The following MSTN variants were observed in gnomAD, a reference collection of about 807,000 sequenced individuals.
MSTN encodes myostatin.
A neutral mutation model predicts 32.3 loss-of-function variants in MSTN; 12 were observed. The ratio of observed to expected loss-of-function variants is 0.37; its 90% CI spans 0.24 to 0.60. The LOEUF is 0.60. Among genes scored for constraint, MSTN ranks in the 20% least tolerant of loss-of-function variants. The pLI is 0.67. For synonymous variants in MSTN, 168 were observed against 155.1 expected (o/e 1.08, Z -0.62); for missense variants, 403 against 450.3 (o/e 0.89, Z 0.95).
rs1195986748 is a variant in MSTN, at chr2:190,056,169, A to G, written c.*1089T>C. On this transcript the variant is annotated 3_prime_UTR_variant, in exon 3 of 3. Coordinates refer to ENST00000260950, the MANE Select transcript of MSTN (RefSeq NM_005259.3). ...TTAATCTGCTAATTTGCTCTGAAAT[A>G]TAAGTAGTTGCTTTTCTGTGATGCA... The G allele has an allele frequency of 2.0e-5, 3 of 152,576 alleles. No individual in the cohort carries two copies. Among genetic ancestry groups the G allele is most frequent in the African/African-American group, 4.8e-5 (2 of 41,458 alleles). The allele number at this position is 152,576 out of a possible 1,614,324, so 9.5% of individuals were successfully genotyped here.
rs1271648192 is a variant in MSTN, at chr2:190,060,172, G to A, written c.637C>T (p.Gln213Ter). Reference protein sequence around the residue: ...WQSIDVKTVLQNWLKQPESNL... With the variant: ...WQSIDVKTVL ...GATTCAGGTTGTTTGAGCCAATTTT[G>A]CAACACTGTCTTCACATCAATGCTC... The change falls in exon 2 of 3, where the codon CAA becomes TAA. Residue 213 changes from glutamine to a stop codon, truncating the protein, a stop_gained. Coordinates refer to ENST00000260950, the MANE Select transcript of MSTN (RefSeq NM_005259.3). LOFTEE classifies it high-confidence loss of function. 1.2e-6 allele frequency: 2 copies of A among 1,612,976 alleles called. No homozygotes were observed. The highest frequency in any genetic ancestry group is 1.1e-5 in the South Asian group (1 of 91,032).
At chr2:190,061,118 T>G (rs1685581711) in intron 1 of MSTN, among the ~76,000 whole-genome samples, 3 of 152,056 alleles carry the variant, frequency 2.0e-5, no homozygotes, top group Admixed American at 2.0e-4. Context: ...TTTCCAAAAT[T>G]GTCTATAAAA....
In MSTN at chr2:190,060,055, C is replaced by T; in HGVS notation, c.747+7G>A. 6.2e-7 allele frequency: 1 copy of T among 1,610,804 alleles called. No individual in the cohort carries two copies. The highest frequency in any genetic ancestry group is 8.5e-7 in the Non-Finnish European group (1 of 1,177,800). On this transcript the variant is annotated splice_region_variant and intron_variant, in intron 2 of 2. Coordinates refer to ENST00000260950, the MANE Select transcript of MSTN (RefSeq NM_005259.3). Reference sequence around the variant, plus strand: ...TTATTATAATGTTATTTTCAGTTATCACTTACCAGCCCATCTTCTCCTGGT... The same window carrying T: ...TTATTATAATGTTATTTTCAGTTATTACTTACCAGCCCATCTTCTCCTGGT...
Position 190,060,263 on chromosome 2 carries a change from G to A in MSTN, c.546C>T (p.Asp182=), listed in dbSNP as rs374299078. The A allele has an allele frequency of 1.4e-5, 22 of 1,612,884 alleles. No homozygotes were observed. The highest frequency in any genetic ancestry group is 1.1e-4 in the East Asian group (5 of 44,860). The change falls in exon 2 of 3, where the codon GAC becomes GAT. Residue 182 remains aspartate, a synonymous_variant. Transcript: ENST00000260950. ...QILRLIKPMK[D]GTRYTGIRSL... Reference sequence around the variant, plus strand: ...ATCGGATTCCAGTATACCTTGTACCGTCTTTCATAGGTTTGATGAGTCTCA... The same window carrying A: ...ATCGGATTCCAGTATACCTTGTACCATCTTTCATAGGTTTGATGAGTCTCA...
chr2:190,060,412 C>T lies in MSTN; in HGVS notation c.397G>A (p.Gly133Arg), dbSNP rs2105752957. The change falls in exon 2 of 3, where the codon GGA becomes AGA. Residue 133 changes from glycine (G) to arginine (R), a missense_variant. Coordinates refer to ENST00000260950, the MANE Select transcript of MSTN (RefSeq NM_005259.3). ...TTAAAGAAGCAACATTTGGGTTTTC[C>T]ATCCACTTGCATTAGAAAATCAGCT... ...TESDFLMQVD[G>R]KPKCCFFKFS... 6 of 1,609,718 alleles carry T rather than the reference C, an allele frequency of 3.7e-6. No individual in the cohort carries two copies. Among genetic ancestry groups the T allele is most frequent in the South Asian group, 1.1e-5 (1 of 90,146 alleles).
Position 190,057,288 on chromosome 2 carries a change from C to T in MSTN, c.1098G>A (p.Ala366=), listed in dbSNP as rs768820223. The T allele has an allele frequency of 2.4e-5, 39 of 1,613,188 alleles. No individual in the cohort carries two copies. Among genetic ancestry groups the T allele is most frequent in the Admixed American group, 1.2e-4 (7 of 59,860 alleles). ...AGCACCCACAGCGGTCTACTACCAT[C>T]GCTGGAATTTTCCCATATATTATTT... ...KEQIIYGKIP[A]MVVDRCGCS is the part of the protein sequence containing the mutation. Residue 366 remains alanine (A), a synonymous_variant, in exon 3 of 3, where the codon GCG becomes GCA. Coordinates refer to ENST00000260950, the MANE Select transcript of MSTN (RefSeq NM_005259.3).
Position 190,057,450 on chromosome 2 carries a change from C to T in MSTN, c.936G>A (p.Glu312=), listed in dbSNP as rs779053077. 22 of 1,613,446 alleles carry T rather than the reference C, an allele frequency of 1.4e-5. No homozygotes were observed. The highest frequency in any genetic ancestry group is 1.8e-5 in the Non-Finnish European group (21 of 1,179,610). Residue 312 remains glutamate, a synonymous_variant, in exon 3 of 3, where the codon GAG becomes GAA. Coordinates refer to ENST00000260950, the MANE Select transcript of MSTN (RefSeq NM_005259.3). Reference sequence around the variant, plus strand: ...ATTTTTGTAAAAATACAAATTCACACTCTCCAGAGCAGTAATTGGCCTTAT... The same window carrying T: ...ATTTTTGTAAAAATACAAATTCACATTCTCCAGAGCAGTAATTGGCCTTAT... The part of the protein sequence containing the change: ...KRYKANYCSG[E]CEFVFLQKYP...
Position 190,056,963 on chromosome 2 carries a change from G to A in MSTN, c.*295C>T. On this transcript the variant is annotated 3_prime_UTR_variant, in exon 3 of 3. Coordinates refer to ENST00000260950, the MANE Select transcript of MSTN (RefSeq NM_005259.3). ...CCTTTAATTCATCAGAACTCAAGGA[G>A]AATCGCTTTCATTTCCTCGCCGATG... 2 of 338,712 alleles carry A rather than the reference G, an allele frequency of 5.9e-6. No homozygotes were observed. The highest frequency in any genetic ancestry group is 1.1e-5 in the Non-Finnish European group (2 of 183,366). 21.0% of individuals were successfully genotyped at this position (338,712 alleles called of 1,614,324 possible).
chr2:190,057,332 A>G lies in MSTN; in HGVS notation c.1054T>C (p.Tyr352His). The G allele has an allele frequency of 1.9e-6, 3 of 1,613,494 alleles. No homozygotes were observed. The highest frequency in any genetic ancestry group is 2.5e-6 in the Non-Finnish European group (3 of 1,179,560). Residue 352 changes from tyrosine to histidine, a missense_variant, in exon 3 of 3, where the codon TAT (tyrosine) becomes CAT (histidine). Physicochemically the swap from Tyr to His is moderately conservative, Grantham distance 83. Coordinates refer to ENST00000260950, the MANE Select transcript of MSTN (RefSeq NM_005259.3). ...ATTATTTGTTCTTTGCCATTAAAAT[A>G]TAGCATATTAATTGGAGACATCTTT... Reference protein sequence around the residue: ...PTKMSPINMLYFNGKEQIIYG... With the variant: ...PTKMSPINMLHFNGKEQIIYG...
rs761141037 is a variant in MSTN at position 190,062,521 on chromosome 2, T to G, written c.76A>C (p.Asn26His). The change falls in exon 1 of 3, where the codon AAC becomes CAC. Residue 26 changes from asparagine (N) to histidine (H), a missense_variant. Coordinates refer to ENST00000260950, the MANE Select transcript of MSTN (RefSeq NM_005259.3). ...IVAGPVDLNENSEQKENVEKE... is the reference protein window; with the variant it reads ...IVAGPVDLNEHSEQKENVEKE... The stretch of plus-strand genomic sequence containing the variant: ...TCCACATTTTCTTTTTGCTCACTGT[T>G]CTCATTTAGATCCACTGGACCAGCA... 1.2e-6 allele frequency: 2 copies of G among 1,613,308 alleles called. No homozygotes were observed. Among genetic ancestry groups the G allele is most frequent in the East Asian group, 4.5e-5 (2 of 44,886 alleles).
intron 2 of MSTN, among the ~76,000 whole-genome samples, chr2:190,058,051 T>C (rs1575555605): frequency 1.3e-5 from 2 of 152,024 alleles, no homozygotes; most frequent in Admixed American, 1.3e-4. Flanking sequence ...TTAAATATGT[T>C]GGCTAAATAT....
rs139729351 is a variant in MSTN, at chr2:190,057,511, G to T, written c.875C>A (p.Ala292Asp). 1.2e-6 allele frequency: 2 copies of T among 1,613,512 alleles called. No homozygotes were observed. The highest frequency in any genetic ancestry group is 3.3e-5 in the Admixed American group (2 of 59,960). ...CRYPLTVDFE[A>D]FGWDWIIAPK... ...AGCGATAATCCAATCCCATCCAAAAGCTTCAAAATCCACAGTTAGAGGGTA... is the reference window on the plus strand; with the variant it reads ...AGCGATAATCCAATCCCATCCAAAATCTTCAAAATCCACAGTTAGAGGGTA... The change falls in exon 3 of 3, where the codon GCT becomes GAT. Residue 292 changes from alanine to aspartate, a missense_variant. Ala to Asp is a moderately radical substitution (Grantham distance 126). Coordinates refer to ENST00000260950, the MANE Select transcript of MSTN (RefSeq NM_005259.3).
Position 190,056,633 on chromosome 2 carries a change from A to T in MSTN, c.*625T>A, listed in dbSNP as rs1370700694. On this transcript the variant is annotated 3_prime_UTR_variant, in exon 3 of 3. Coordinates refer to ENST00000260950, the MANE Select transcript of MSTN (RefSeq NM_005259.3). ...GAAGAAAAGAGAAACTTACTATTTT[A>T]CTGAATGTTTTTTATGTGATAAACC... 6.6e-6 allele frequency: 1 copy of T among 152,578 alleles called. No homozygotes were observed. The highest frequency in any genetic ancestry group is 1.5e-5 in the Non-Finnish European group (1 of 68,014). The allele number at this position is 152,578 out of a possible 1,614,324, so 9.5% of individuals were successfully genotyped here.
Position 190,056,016 on chromosome 2 carries a change from T to C in MSTN, c.*1242A>G, listed in dbSNP as rs547649256. 2.0e-5 allele frequency: 3 copies of C among 152,562 alleles called. No homozygotes were observed. Among genetic ancestry groups the C allele is most frequent in the Non-Finnish European group, 4.4e-5 (3 of 67,988 alleles). 9.5% of individuals were successfully genotyped at this position (152,562 alleles called of 1,614,324 possible). On this transcript the variant is annotated 3_prime_UTR_variant, in exon 3 of 3. Transcript: ENST00000260950. ...ATTTAAACACAATGACAGTAAACCA[T>C]TGAAATTTCAAATTCACTTTATACA...
rs1317223341 is a variant in MSTN, at chr2:190,062,345, A to G, written c.252T>C (p.Ala84=). ...KDVIRQLLPK[A]PPLRELIDQY... ...GATCAATCAGTTCCCGGAGTGGAGG[A>G]GCTTTGGGTAAAAGTTGTCTTATAA... Residue 84 remains alanine (A), a synonymous_variant, in exon 1 of 3, where the codon GCT becomes GCC. Transcript: ENST00000260950. The G allele has an allele frequency of 6.2e-7, 1 of 1,613,300 alleles. No individual in the cohort carries two copies. Among genetic ancestry groups the G allele is most frequent in the Non-Finnish European group, 8.5e-7 (1 of 1,179,574 alleles).
intron 1 of MSTN, 108 bp downstream of exon 1, chr2:190,062,116 A>G: frequency 8.4e-7 from 1 of 1,192,910 alleles, no homozygotes; most frequent in African/African-American, 1.8e-5. Flanking sequence ...TTCTACTTAC[A>G]TACAGGCCAA....
intron 1 of MSTN, 95 bp downstream of exon 1, chr2:190,062,129 G>A (rs1685611492): frequency 2.2e-6 from 3 of 1,348,308 alleles, no homozygotes; most frequent in Admixed American, 1.8e-5. Flanking sequence ...CAGGCCAACA[G>A]CTTGTTTAAA....
rs774680071 is a variant in MSTN, at chr2:190,057,216, A to G, written c.*42T>C. 11 of 1,610,814 alleles carry G rather than the reference A, an allele frequency of 6.8e-6. No individual in the cohort carries two copies. Among genetic ancestry groups the G allele is most frequent in the South Asian group, 5.5e-5 (5 of 90,864 alleles). On this transcript the variant is annotated 3_prime_UTR_variant, in exon 3 of 3. Transcript: ENST00000260950. ...CAGCTTCAAAATTGTTGAGGGGAAA[A>G]CCTTCCATGTTTTAGGAAGTTATGA...
In MSTN at chr2:190,062,381, G is replaced by A; in HGVS notation, c.216C>T (p.Ile72=). Residue 72 remains isoleucine (I), a synonymous_variant, in exon 1 of 3, where the codon ATC becomes ATT. Transcript: ENST00000260950. ...SKLRLETAPN[I]SKDVIRQLLP... is the part of the protein sequence containing the mutation. Reference sequence around the variant, plus strand: ...AAAGTTGTCTTATAACATCTTTGCTGATGTTAGGAGCTGTTTCCAGACGAA... The same window carrying A: ...AAAGTTGTCTTATAACATCTTTGCTAATGTTAGGAGCTGTTTCCAGACGAA... The A allele has an allele frequency of 3.7e-6, 6 of 1,613,424 alleles. No homozygotes were observed. The highest frequency in any genetic ancestry group is 4.2e-6 in the Non-Finnish European group (5 of 1,179,564).
Sources: gnomAD v4.1 joint callset for allele counts (sites outside exome capture counted in the v4.1 genomes callset) on GRCh38, gnomAD v4.1.1 for gene constraint, MANE v1.5 for transcripts, NCBI Gene and HGNC (gene_info 2026-07-23, HGNC 2026-07-21) for gene names.